TXNIP: variants seen among roughly 807,000 people sequenced by gnomAD.
TXNIP encodes thioredoxin-interacting protein.
TXNIP carries 23 observed loss-of-function variants against 43.9 expected under a neutral mutation model. The observed-to-expected ratio is 0.52, with a 90% CI of 0.38 to 0.74. The LOEUF (loss-of-function observed/expected upper bound fraction) is 0.74, where lower values mean the gene tolerates loss of function less well. Ranked by LOEUF, TXNIP falls within the 30% of genes least tolerant of loss-of-function variation. The pLI, the probability that TXNIP is intolerant of heterozygous loss-of-function variation, is 0.00. For synonymous variants in TXNIP, 234 were observed against 172.2 expected, an observed-to-expected ratio of 1.36 and a Z score of -2.81; for missense variants, 555 against 485.4, an observed-to-expected ratio of 1.14 and a Z score of -1.35.
chr1:145,996,384 A>C lies in TXNIP; in HGVS notation c.-118T>G. 1 of 1,218,860 alleles carries C rather than the reference A, an allele frequency of 8.2e-7. No individual in the cohort carries two copies. Among genetic ancestry groups the C allele is most frequent in the South Asian group, 1.5e-5 (1 of 65,758 alleles). 75.5% of individuals were successfully genotyped at this position (1,218,860 alleles called of 1,614,324 possible). On this transcript the variant is annotated 5_prime_UTR_variant, in exon 1 of 8. Coordinates refer to ENST00000582401, the MANE Select transcript of TXNIP (RefSeq NM_006472.6). Reference sequence around the variant, plus strand: ...ACTTTAAGGAATTAAGGTATTCTTAAGCAGTTTGAGCTTAAAAATAAAATA... The same window carrying C: ...ACTTTAAGGAATTAAGGTATTCTTACGCAGTTTGAGCTTAAAAATAAAATA...
chr1:145,995,335 G>GT (rs1559267008), intron 2 of TXNIP, 44 bp from the exon 3 acceptor site: 1 of 1,610,870 alleles, frequency 6.2e-7, no homozygotes, highest in Admixed American at 1.7e-5. Context: ...TCCAAGAACA[G>GT]TAAGTGATCA....
rs199961793 is a variant in TXNIP at position 145,994,114 on chromosome 1, T to C, written c.1042A>G (p.Thr348Ala). 11 of 1,614,124 alleles carry C rather than the reference T, an allele frequency of 6.8e-6. No individual in the cohort carries two copies. The highest frequency in any genetic ancestry group is 9.3e-6 in the Non-Finnish European group (11 of 1,180,022). The change falls in exon 7 of 8, where the codon ACC (threonine) becomes GCC (alanine). Residue 348 changes from threonine (T) to alanine (A), a missense_variant. Physicochemically the swap from Thr to Ala is moderately conservative, Grantham distance 58. Coordinates refer to ENST00000582401, the MANE Select transcript of TXNIP (RefSeq NM_006472.6). Reference sequence around the variant, plus strand: ...TCCATGTCATCTAGCAGAGGAGTGGTTGGGCTCTCCAATCGGTGATCTTCA... The same window carrying C: ...TCCATGTCATCTAGCAGAGGAGTGGCTGGGCTCTCCAATCGGTGATCTTCA... Reference protein sequence around the residue: ...IPEDHRLESPTTPLLDDMDGS... With the variant: ...IPEDHRLESPATPLLDDMDGS...
At chr1:145,993,916 AG>A (rs782450378) in intron 7 of TXNIP, 30 bp from the exon 8 acceptor site, 1 of 1,614,104 alleles carries the variant, frequency 6.2e-7, no homozygotes, top group East Asian at 2.2e-5. Context: ...ATTTCAGTTC[AG>A]GTAAGAACAA....
At chr1:145,994,509 A>T in intron 5 of TXNIP, 35 bp downstream of exon 5, 1 of 1,613,584 alleles carries the variant, frequency 6.2e-7, no homozygotes. Context: ...ACAGATGAAC[A>T]ATTTCTCTGC....
Position 145,993,852 on chromosome 1 carries a change from C to T in TXNIP, c.1175G>A (p.Ter392=), listed in dbSNP as rs782212575. The T allele has an allele frequency of 2.5e-6, 4 of 1,614,004 alleles. No individual in the cohort carries two copies. Among genetic ancestry groups the T allele is most frequent in the Non-Finnish European group, 3.4e-6 (4 of 1,180,018 alleles). The change falls in exon 8 of 8, where the codon TGA becomes TAA. Residue 392 remains the stop codon, a stop_retained_variant. Transcript: ENST00000582401. ...AGCTGCTTCTTTTCTTCCACATGCT[C>T]ACTGCACATTGTTGTTGAGGATGCA... ...DPCILNNNVQ[*] is the part of the protein sequence containing the mutation.
At chr1:145,995,919 T>C in intron 1 of TXNIP, 98 bp downstream of exon 1, 1 of 1,462,056 alleles carries the variant, frequency 6.8e-7, no homozygotes, top group Non-Finnish European at 9.3e-7. Context: ...TTCAAACCAC[T>C]CAAACTGAGC....
At position 145,996,509 on chromosome 1, in the gene TXNIP, T is replaced by C. The variant is rs1651545185; in HGVS notation, c.-243A>G. On this transcript the variant is annotated 5_prime_UTR_variant, in exon 1 of 8. Coordinates refer to ENST00000582401, the MANE Select transcript of TXNIP (RefSeq NM_006472.6). ...AAGCTAATTCAGAGAAAAAGCCTTC[T>C]TTCCCCCAATTGCTGGAGAAAAGAT... 2 of 397,918 alleles carry C rather than the reference T, an allele frequency of 5.0e-6. No homozygotes were observed. The highest frequency in any genetic ancestry group is 1.0e-4 in the East Asian group (2 of 19,196). 24.6% of individuals were successfully genotyped at this position (397,918 alleles called of 1,614,324 possible). A position where few individuals can be genotyped will look rare whatever the true frequency, so the allele number is the denominator to read the frequency against.
At position 145,996,224 on chromosome 1, in the gene TXNIP, T is replaced by C. The variant is rs781809233; in HGVS notation, c.43A>G (p.Asn15Asp). 1.2e-6 allele frequency: 2 copies of C among 1,614,054 alleles called. No homozygotes were observed. The highest frequency in any genetic ancestry group is 4.5e-5 in the East Asian group (2 of 44,882). ...CTGCCGTACACCTTTTCAGGGTCGTTAAAGACCACCTCAAAAGACTTGATC... is the reference window on the plus strand; with the variant it reads ...CTGCCGTACACCTTTTCAGGGTCGTCAAAGACCACCTCAAAAGACTTGATC... ...KKIKSFEVVFNDPEKVYGSGE... is the reference protein window; with the variant it reads ...KKIKSFEVVFDDPEKVYGSGE... The change falls in exon 1 of 8, where the codon AAC (asparagine) becomes GAC (aspartate). Residue 15 changes from asparagine (N) to aspartate (D), a missense_variant. By Grantham distance (23) the Asn-to-Asp change is conservative. Coordinates refer to ENST00000582401, the MANE Select transcript of TXNIP (RefSeq NM_006472.6).
intron 1 of TXNIP, 43 bp from the exon 2 acceptor site, chr1:145,995,519 C>A (rs782038923): frequency 6.3e-7 from 1 of 1,578,146 alleles, no homozygotes; most frequent in Non-Finnish European, 8.7e-7. Context: ...CTTGCTGTTA[C>A]ACTTAAAATG....
rs782617606 is a variant in TXNIP at position 145,995,290 on chromosome 1, G to A, written c.325C>T (p.Pro109Ser). ...TTTCCTTTGAAGGATGTTCCCAGAG[G>A]CCTGTGTCAAGAAAATGAAAATTTT... Reference protein sequence around the residue: ...YKFGFELPQGPLGTSFKGKYG... With the variant: ...YKFGFELPQGSLGTSFKGKYG... The change falls in exon 3 of 8, where the codon CCT (proline) becomes TCT (serine). Residue 109 changes from proline to serine, a missense_variant and splice_region_variant. Physicochemically the swap from Pro to Ser is moderately conservative, Grantham distance 74. Transcript: ENST00000582401. 6 of 1,611,932 alleles carry A rather than the reference G, an allele frequency of 3.7e-6. No homozygotes were observed. In the South Asian group the frequency reaches 4.4e-5, roughly 12 times the overall value.
intron 6 of TXNIP, 47 bp from the exon 7 acceptor site, chr1:145,994,214 T>C: frequency 6.2e-7 from 1 of 1,613,076 alleles, no homozygotes; most frequent in Non-Finnish European, 8.5e-7. Context: ...CAAGAAATGC[T>C]GGACCATCAC....
At chr1:145,995,980 C>A in intron 1 of TXNIP, 37 bp downstream of exon 1, 1 of 1,605,210 alleles carries the variant, frequency 6.2e-7, no homozygotes, top group South Asian at 1.1e-5. Flanking sequence ...CTTCTCTAAT[C>A]AGCTTTCACC....
Position 145,993,809 on chromosome 1 carries a change from A to G in TXNIP, c.*42T>C. On this transcript the variant is annotated 3_prime_UTR_variant, in exon 8 of 8. Coordinates refer to ENST00000582401, the MANE Select transcript of TXNIP (RefSeq NM_006472.6). ...AGTGAGTGTCCAGGAAGAGAGACAA[A>G]AAGAAACAAGTAGGTAAAGCTGCTT... 1 of 1,612,920 alleles carries G rather than the reference A, an allele frequency of 6.2e-7. No individual in the cohort carries two copies. Among genetic ancestry groups the G allele is most frequent in the South Asian group, 1.1e-5 (1 of 90,940 alleles).
rs782138645 is a variant in TXNIP, at chr1:145,994,987, G to A, written c.516C>T (p.Phe172=). The A allele has an allele frequency of 1.4e-5, 22 of 1,614,032 alleles. No individual in the cohort carries two copies. The highest frequency in any genetic ancestry group is 4.5e-5 in the East Asian group (2 of 44,900). Residue 172 remains phenylalanine (F), a synonymous_variant, in exon 4 of 8, where the codon TTC becomes TTT. Transcript: ENST00000582401. ...AGACAGACACCCGCCCATCAGGAAT[G>A]AACATGCAGGAAACTTTCTTTTCTT... ...AKKEKKVSCM[F]IPDGRVSVSA...
At chr1:145,994,837 G>GTA (rs1179125382) in intron 4 of TXNIP, 37 bp from the exon 5 acceptor site, 1 of 1,613,770 alleles carries the variant, frequency 6.2e-7, no homozygotes, top group Non-Finnish European at 8.5e-7. Flanking sequence ...CTGATACTCA[G>GTA]TATAGTTAAT....
Position 145,996,050 on chromosome 1 carries a change from C to T in TXNIP, c.217G>A (p.Glu73Lys). The change falls in exon 1 of 8, where the codon GAA becomes AAA. Residue 73 changes from glutamate to lysine, a missense_variant. Glu to Lys is a moderately conservative substitution (Grantham distance 56). Transcript: ENST00000582401. ...CKQTSEYLRYEDTLLLEDQPT... is the reference protein window; with the variant it reads ...CKQTSEYLRYKDTLLLEDQPT... ...TGGTCTTCCAGAAGAAGCGTGTCTTCATAGCGCAGGTACTCCGAAGTCTGT... is the reference window on the plus strand; with the variant it reads ...TGGTCTTCCAGAAGAAGCGTGTCTTTATAGCGCAGGTACTCCGAAGTCTGT... 1.2e-6 allele frequency: 2 copies of T among 1,614,014 alleles called. No homozygotes were observed. The highest frequency in any genetic ancestry group is 1.1e-5 in the South Asian group (1 of 91,072).
chr1:145,996,567 G>C lies in TXNIP; in HGVS notation c.-301C>G, dbSNP rs1651553445. ...CCACAAGCACTCCTTTGGAGAAAAA[G>C]AGGGGTTAGTTTCAAGCAGGAGGCG... On this transcript the variant is annotated 5_prime_UTR_variant, in exon 1 of 8. Coordinates refer to ENST00000582401, the MANE Select transcript of TXNIP (RefSeq NM_006472.6). 3.7e-6 allele frequency: 1 copy of C among 273,116 alleles called. No homozygotes were observed. The highest frequency in any genetic ancestry group is 7.1e-6 in the Non-Finnish European group (1 of 141,328). The allele number at this position is 273,116 out of a possible 1,614,324, so 16.9% of individuals were successfully genotyped here. A position where few individuals can be genotyped will look rare whatever the true frequency, so the allele number is the denominator to read the frequency against.
At position 145,993,475 on chromosome 1, in the gene TXNIP, C is replaced by A; in HGVS notation, c.*376G>T. 1 of 178,424 alleles carries A rather than the reference C, an allele frequency of 5.6e-6. No individual in the cohort carries two copies. The highest frequency in any genetic ancestry group is 1.2e-4 in the South Asian group (1 of 8,198). 11.1% of individuals were successfully genotyped at this position (178,424 alleles called of 1,614,324 possible). On this transcript the variant is annotated 3_prime_UTR_variant, in exon 8 of 8. Coordinates refer to ENST00000582401, the MANE Select transcript of TXNIP (RefSeq NM_006472.6). ...TAAGTTCAAGGTCCAAAGTTCCTAT[C>A]ACAATTTACAAAAAGCCTCCAAAAA...
Position 145,994,666 on chromosome 1 carries a change from C to T in TXNIP, c.709G>A (p.Val237Ile). ...TKVLTQKLSS[V>I]RGNHIISGTC... The stretch of plus-strand genomic sequence containing the variant: ...CCTGAGATAATATGATTGCCTCTGA[C>T]TGATGACAACTTCTGAGTCAGCACC... The change falls in exon 5 of 8, where the codon GTC becomes ATC. Residue 237 changes from valine to isoleucine, a missense_variant. Val to Ile is a conservative substitution (Grantham distance 29). Coordinates refer to ENST00000582401, the MANE Select transcript of TXNIP (RefSeq NM_006472.6). The T allele has an allele frequency of 1.9e-6, 3 of 1,614,244 alleles. No individual in the cohort carries two copies. The highest frequency in any genetic ancestry group is 2.5e-6 in the Non-Finnish European group (3 of 1,180,052).
Sources: gnomAD v4.1 joint callset for allele counts on GRCh38, gnomAD v4.1.1 for gene constraint, MANE v1.5 for transcripts, NCBI Gene and HGNC (gene_info 2026-07-23, HGNC 2026-07-21) for gene names.